ENTREP2: variants seen among roughly 807,000 people sequenced by gnomAD.
ENTREP2 encodes protein ENTREP2.
At chr15:29,269,385 C>A in the ENTREP2 span, 16 of 1,614,066 alleles carry the variant, frequency 9.9e-6, no homozygotes, top group Non-Finnish European at 1.3e-5. Context: ...TGTCGGCCCG[C>A]TTGATCGGAA....
chr15:29,126,575 C>G, the ENTREP2 span: 2 of 1,161,032 alleles, frequency 1.7e-6, no homozygotes, highest in Non-Finnish European at 2.5e-6. Flanking sequence ...AACTCCAGAC[C>G]TAGATGAACT....
At chr15:29,398,422 T>C in the ENTREP2 span, among the ~76,000 whole-genome samples, 1 of 152,092 alleles carries the variant, frequency 6.6e-6, no homozygotes, top group South Asian at 2.1e-4. Flanking sequence ...CCATCCTCTC[T>C]TTTAAAAAAG....
At chr15:29,339,122 G>A in the ENTREP2 span, among the ~76,000 whole-genome samples, 1 of 152,196 alleles carries the variant, frequency 6.6e-6, no homozygotes, top group Non-Finnish European at 1.5e-5. Context: ...TCAGTGATTT[G>A]GTCCAGTGAT....
At chr15:29,376,349 T>C in the ENTREP2 span, 69 of 152,242 alleles carry the variant, frequency 4.5e-4, no homozygotes, top group African/African-American at 1.7e-3. Flanking sequence ...TAATCAGAGC[T>C]ATATAATCTG....
At chr15:29,657,483 CGGG>C in the ENTREP2 span, among the ~76,000 whole-genome samples, 2,031 of 69,508 alleles carry the variant, frequency 0.029, 88 homozygotes, top group African/African-American at 0.084. Flanking sequence ...GCTGGGGGGG[CGGG>C]GGGGGGGGGT....
chr15:29,648,208 C>T, the ENTREP2 span, among the ~76,000 whole-genome samples: 2 of 152,204 alleles, frequency 1.3e-5, no homozygotes, highest in Non-Finnish European at 2.9e-5. Flanking sequence ...GTACCAGAAA[C>T]CGCTCCTGAT....
chr15:29,358,946 A>G, the ENTREP2 span, among the ~76,000 whole-genome samples: 2 of 152,232 alleles, frequency 1.3e-5, no homozygotes, highest in East Asian at 1.9e-4. Context: ...ATGGGCAAAG[A>G]TATCAGGCAC....
the ENTREP2 span, among the ~76,000 whole-genome samples, chr15:29,179,292 A>G: frequency 6.6e-6 from 1 of 152,268 alleles, no homozygotes; most frequent in Admixed American, 6.5e-5. Flanking sequence ...AAATGTGGTG[A>G]GTATAGGAGC....
the ENTREP2 span, among the ~76,000 whole-genome samples, chr15:29,494,800 T>C: frequency 6.6e-6 from 1 of 152,214 alleles, no homozygotes; most frequent in East Asian, 1.9e-4. Flanking sequence ...TGTAATGTCC[T>C]CCAGGCTTAT....
the ENTREP2 span, among the ~76,000 whole-genome samples, chr15:29,495,758 A>G: frequency 6.6e-6 from 1 of 152,018 alleles, no homozygotes; most frequent in East Asian, 1.9e-4. Flanking sequence ...ATTCTGTTCC[A>G]TTGGTCTATG....
the ENTREP2 span, among the ~76,000 whole-genome samples, chr15:29,187,274 T>C: frequency 6.6e-6 from 1 of 152,078 alleles, no homozygotes; most frequent in African/African-American, 2.4e-5. Flanking sequence ...TTCTTTCTTT[T>C]CTTCTTTTTT....
At chr15:29,627,997 C>A in the ENTREP2 span, among the ~76,000 whole-genome samples, 2 of 152,124 alleles carry the variant, frequency 1.3e-5, no homozygotes, top group Non-Finnish European at 2.9e-5. Flanking sequence ...TAAGTATATA[C>A]CCAGAAGTTA....
the ENTREP2 span, among the ~76,000 whole-genome samples, chr15:29,349,837 G>A: frequency 6.6e-6 from 1 of 152,184 alleles, no homozygotes; most frequent in Non-Finnish European, 1.5e-5. Flanking sequence ...GGCAGAGGTT[G>A]CAGTGAGCTG....
chr15:29,315,545 C>T, the ENTREP2 span, among the ~76,000 whole-genome samples: 56 of 152,264 alleles, frequency 3.7e-4, no homozygotes, highest in Admixed American at 3.9e-4. Flanking sequence ...ATCTGTTTCT[C>T]ACCAGTTATA....
the ENTREP2 span, among the ~76,000 whole-genome samples, chr15:29,473,493 T>C: frequency 6.6e-6 from 1 of 152,168 alleles, no homozygotes; most frequent in African/African-American, 2.4e-5. Context: ...TTCTGTACTG[T>C]GAACTCTCCC....
At chr15:29,631,014 C>G in the ENTREP2 span, among the ~76,000 whole-genome samples, 1 of 152,194 alleles carries the variant, frequency 6.6e-6, no homozygotes, top group Non-Finnish European at 1.5e-5. Context: ...TTCTCACATT[C>G]ACTAATTTTA....
At chr15:29,444,210 G>GA in the ENTREP2 span, among the ~76,000 whole-genome samples, 474 of 146,018 alleles carry the variant, frequency 3.2e-3, 18 homozygotes, top group African/African-American at 0.011. Flanking sequence ...AAGAAAGAAA[G>GA]AAAGAAAGAA....
the ENTREP2 span, among the ~76,000 whole-genome samples, chr15:29,401,734 G>A: frequency 6.6e-6 from 1 of 152,204 alleles, no homozygotes; most frequent in African/African-American, 2.4e-5. Context: ...CTGAACCAGT[G>A]AGTAGCAATA....
At chr15:29,667,541 G>C in the ENTREP2 span, among the ~76,000 whole-genome samples, 1 of 130,626 alleles carries the variant, frequency 7.7e-6, no homozygotes, top group African/African-American at 3.0e-5. Context: ...ACCTAGGCTA[G>C]AGTGCAATGG....
Sources: gnomAD v4.1 joint callset for allele counts (sites outside exome capture counted in the v4.1 genomes callset) on GRCh38, gnomAD v4.1.1 for gene constraint, MANE v1.5 for transcripts, NCBI Gene and HGNC (gene_info 2026-07-23, HGNC 2026-07-21) for gene names.